Variants in DLG2 observed in about 807,000 individuals in gnomAD.
DLG2 encodes discs large MAGUK scaffold protein 2.
A neutral mutation model predicts 132.5 loss-of-function variants in DLG2; 45 were observed. The observed-to-expected ratio is 0.34, with a 90% CI of 0.27 to 0.44. The LOEUF (loss-of-function observed/expected upper bound fraction) is 0.44. Ranked by LOEUF, DLG2 falls within the 20% of genes least tolerant of loss-of-function variation. The probability of loss-of-function intolerance (pLI) is 1.00; values close to 1 mark genes in which losing one functional copy is unlikely to be tolerated. For missense variants in DLG2, 1,045 were observed against 1,196.9 expected (o/e 0.87, Z 1.87); for synonymous variants, 424 against 419.6 (o/e 1.01, Z -0.13).
At chr11:83,557,434 C>A (rs2096539642) in intron 19 of DLG2, among the ~76,000 whole-genome samples, 1 of 152,286 alleles carries the variant, frequency 6.6e-6, no homozygotes, top group East Asian at 1.9e-4. Context: ...GGAGTGATAA[C>A]TTTAAAGTTG....
At chr11:85,476,633 C>T (rs866715435) in intron 3 of DLG2, among the ~76,000 whole-genome samples, 32 of 151,902 alleles carry the variant, frequency 2.1e-4, no homozygotes, top group Admixed American at 7.9e-4. Flanking sequence ...ACATTTTAAA[C>T]TTTTTTGTTA....
chr11:84,154,831 T>A (rs1012143246), intron 9 of DLG2, among the ~76,000 whole-genome samples: 8 of 152,230 alleles, frequency 5.3e-5, no homozygotes, highest in Non-Finnish European at 1.2e-4. Context: ...CATGAACTCA[T>A]CCTTTTTGAT....
intron 7 of DLG2, among the ~76,000 whole-genome samples, chr11:84,350,938 C>T (rs1427491931): frequency 6.6e-6 from 1 of 152,092 alleles, no homozygotes; most frequent in Non-Finnish European, 1.5e-5. Context: ...ATTCCTATCC[C>T]TCCCCTTTTC....
At chr11:85,107,012 G>A (rs560461780) in intron 6 of DLG2, among the ~76,000 whole-genome samples, 1 of 152,136 alleles carries the variant, frequency 6.6e-6, no homozygotes, top group Admixed American at 6.6e-5. Flanking sequence ...CCAAGGGTCA[G>A]TTAAAATACG....
At chr11:84,566,024 T>C (rs1455238013) in intron 6 of DLG2, among the ~76,000 whole-genome samples, 1 of 151,810 alleles carries the variant, frequency 6.6e-6, no homozygotes, top group East Asian at 1.9e-4. Context: ...AGTGGCATTA[T>C]CTCTGCTCAC....
At chr11:84,720,049 T>C (rs2061628047) in intron 6 of DLG2, among the ~76,000 whole-genome samples, 1 of 152,088 alleles carries the variant, frequency 6.6e-6, no homozygotes, top group African/African-American at 2.4e-5. Context: ...CCGAGCTGCA[T>C]CTGCTCTTGT....
At chr11:84,781,137 T>A (rs978806549) in intron 6 of DLG2, among the ~76,000 whole-genome samples, 1 of 151,684 alleles carries the variant, frequency 6.6e-6, no homozygotes, top group Non-Finnish European at 1.5e-5. Flanking sequence ...CAAATGTGGA[T>A]GGAGCACAGA....
At chr11:85,433,019 T>C (rs956330785) in intron 3 of DLG2, among the ~76,000 whole-genome samples, 10 of 152,172 alleles carry the variant, frequency 6.6e-5, no homozygotes, top group African/African-American at 2.4e-4. Context: ...ATATTCAACA[T>C]TCTTAAAGGA....
At position 84,502,279 on chromosome 11, in the gene DLG2, C is replaced by CT. The variant is rs376720544; in HGVS notation, c.519+32290dup. Among the ~76,000 whole-genome samples the CT allele has an allele frequency of 1.5e-4, 3 of 20,420 alleles. 1 individual carries two copies. Among genetic ancestry groups the CT allele is most frequent in the East Asian group, 2.3e-3 (2 of 872 alleles). 13.4% of individuals were successfully genotyped at this position (20,420 alleles called of 152,430 possible). ...CCTTCCTTCCTTCCTTCCTTCCTTC[C>CT]TTCTTTCTTTCTTTCTTTCTTTCTT... On this transcript the variant is annotated intron_variant, in intron 7 of 27. Coordinates refer to ENST00000376104, the MANE Select transcript of DLG2 (RefSeq NM_001142699.3).
chr11:84,470,427 C>T (rs771132280), intron 7 of DLG2, among the ~76,000 whole-genome samples: 2 of 151,556 alleles, frequency 1.3e-5, no homozygotes, highest in Non-Finnish European at 3.0e-5. Context: ...GTCATTGTTC[C>T]TGTTGTCTAG....
chr11:85,423,255 G>C (rs1188375676), intron 3 of DLG2, among the ~76,000 whole-genome samples: 7 of 152,180 alleles, frequency 4.6e-5, no homozygotes, highest in African/African-American at 1.2e-4. Context: ...ACTGAGGCTT[G>C]TCTGCACAGA....
intron 3 of DLG2, among the ~76,000 whole-genome samples, chr11:85,536,713 G>C (rs2075609618): frequency 6.6e-6 from 1 of 152,256 alleles, no homozygotes; most frequent in Admixed American, 6.5e-5. Context: ...CCCGCACTCA[G>C]GGCAGCGGGC....
intron 6 of DLG2, among the ~76,000 whole-genome samples, chr11:84,781,824 CT>C (rs2071834484): frequency 6.6e-6 from 1 of 152,104 alleles, no homozygotes; most frequent in African/African-American, 2.4e-5. Flanking sequence ...TGCTGAACAA[CT>C]TTTAGTAGTC....
chr11:84,092,639 C>T (rs1328036719), intron 10 of DLG2, among the ~76,000 whole-genome samples: 1 of 152,134 alleles, frequency 6.6e-6, no homozygotes, highest in Non-Finnish European at 1.5e-5. Context: ...CTCACTTTAT[C>T]TGTGCCTTTA....
At chr11:84,982,711 T>C (rs1387960994) in intron 6 of DLG2, among the ~76,000 whole-genome samples, 1 of 151,936 alleles carries the variant, frequency 6.6e-6, no homozygotes, top group Non-Finnish European at 1.5e-5. Flanking sequence ...AATTAAGCAA[T>C]ATATAAAAAT....
chr11:84,090,740 C>A, intron 10 of DLG2, among the ~76,000 whole-genome samples: 1 of 152,104 alleles, frequency 6.6e-6, no homozygotes, highest in East Asian at 1.9e-4. Context: ...AATGTTCATT[C>A]TATCAGGTTC....
At position 84,217,276 on chromosome 11, in the gene DLG2, CAT is replaced by C. The variant is rs1566960002; in HGVS notation, c.573+33960_573+33961del. ...CTTGAATTATAGCTTCCACAATTCT[CAT>C]GTGTTGTTGGAGTGACTTGGCGGGA... On this transcript the variant is annotated intron_variant, in intron 8 of 27. Transcript: ENST00000376104. Among the ~76,000 whole-genome samples the C allele has an allele frequency of 3.3e-5, 5 of 152,288 alleles. No homozygotes were observed. In the East Asian group the frequency reaches 5.8e-4, roughly 18 times the overall value.
At chr11:84,806,069 T>C (rs1351223003) in intron 6 of DLG2, among the ~76,000 whole-genome samples, 9 of 152,136 alleles carry the variant, frequency 5.9e-5, no homozygotes, top group Admixed American at 5.9e-4. Flanking sequence ...ATGGATGGGT[T>C]CTGTAAATGA....
intron 4 of DLG2, among the ~76,000 whole-genome samples, chr11:85,221,660 G>A (rs552791503): frequency 2.6e-5 from 4 of 152,230 alleles, no homozygotes; most frequent in Non-Finnish European, 2.9e-5. Flanking sequence ...AAGCACATGC[G>A]TGTCTTATTT....
Sources: allele counts gnomAD v4.1 joint callset (sites outside exome capture counted in the v4.1 genomes callset), GRCh38; gene constraint gnomAD v4.1.1; transcripts MANE v1.5; gene names NCBI Gene and HGNC (gene_info 2026-07-23, HGNC 2026-07-21).